CXXC1: variants seen among roughly 807,000 people sequenced by gnomAD.
CXXC1 encodes the protein CXXC-type zinc finger protein 1.
CXXC1 carries 21 observed loss-of-function variants against 83.6 expected under a neutral mutation model. The ratio of observed to expected loss-of-function variants is 0.25; its 90% CI spans 0.18 to 0.36. The LOEUF is 0.36. CXXC1 is among the 10% of genes least tolerant of loss of function. CXXC1 has a pLI of 1.00. For missense variants in CXXC1, 688 were observed against 919.5 expected (o/e 0.75, Z 3.26); for synonymous variants, 371 against 337.5 (o/e 1.10, Z -1.09).
At position 50,282,753 on chromosome 18, in the gene CXXC1, G is replaced by C; in HGVS notation, c.1825-14C>G. 3.1e-6 allele frequency: 5 copies of C among 1,613,572 alleles called. No individual in the cohort carries two copies. The highest frequency in any genetic ancestry group is 4.2e-6 in the Non-Finnish European group (5 of 1,179,794). ...CAGCTTGTACCACTGCCAAGGGAGC[G>C]GCAGGAGTCCTAAGCAGGAACACCT... On this transcript the variant is annotated splice_polypyrimidine_tract_variant and intron_variant, in intron 14 of 14. Coordinates refer to ENST00000285106, the MANE Select transcript of CXXC1 (RefSeq NM_014593.4). This position sits in a 1 kb window ranked among gnomAD's most constrained non-coding sequence, Gnocchi z 5.8.
chr18:50,285,720 T>G lies in CXXC1; in HGVS notation c.639+29A>C. ...ATGGACCCACCAGCTCTCCCACACC[T>G]GACCCTACCCAGCTCTGTCCATGCT... On this transcript the variant is annotated intron_variant, in intron 5 of 14. Coordinates refer to ENST00000285106, the MANE Select transcript of CXXC1 (RefSeq NM_014593.4). This position sits in a 1 kb window ranked among gnomAD's most constrained non-coding sequence, Gnocchi z 4.4. 6.2e-7 allele frequency: 1 copy of G among 1,606,788 alleles called. No individual in the cohort carries two copies. Among genetic ancestry groups the G allele is most frequent in the Non-Finnish European group, 8.5e-7 (1 of 1,179,076 alleles).
chr18:50,287,314 C>A (rs979988955), intron 1 of CXXC1: 3 of 547,074 alleles, frequency 5.5e-6, no homozygotes, highest in Non-Finnish European at 9.9e-6. Flanking sequence ...TGACTCCTTA[C>A]AACCCGCTTA....
rs1392048565 is a variant in CXXC1 at position 50,282,824 on chromosome 18, A to T, written c.1824+30T>A. 2 of 1,612,850 alleles carry T rather than the reference A, an allele frequency of 1.2e-6. No homozygotes were observed. Among genetic ancestry groups the T allele is most frequent in the Non-Finnish European group, 1.7e-6 (2 of 1,179,056 alleles). ...CACGTCCGACATGGAAACCTACCACATGCAGCACCAAAACCGCACAGAAAC... is the reference window on the plus strand; with the variant it reads ...CACGTCCGACATGGAAACCTACCACTTGCAGCACCAAAACCGCACAGAAAC... On this transcript the variant is annotated intron_variant, in intron 14 of 14. Coordinates refer to ENST00000285106, the MANE Select transcript of CXXC1 (RefSeq NM_014593.4). This position sits in a 1 kb window ranked among gnomAD's most constrained non-coding sequence, Gnocchi z 5.8.
Position 50,285,611 on chromosome 18 carries a change from A to G in CXXC1, c.639+138T>C. The G allele has an allele frequency of 8.6e-7, 1 of 1,168,834 alleles. No individual in the cohort carries two copies. Among genetic ancestry groups the G allele is most frequent in the Non-Finnish European group, 1.2e-6 (1 of 822,578 alleles). 72.4% of individuals were successfully genotyped at this position (1,168,834 alleles called of 1,614,324 possible). ...CAGGTCATGCCCCATTCATCTGGACATGACAGGCCCCTTCCCACCTGTCAG... is the reference window on the plus strand; with the variant it reads ...CAGGTCATGCCCCATTCATCTGGACGTGACAGGCCCCTTCCCACCTGTCAG... On this transcript the variant is annotated intron_variant, in intron 5 of 14. Coordinates refer to ENST00000285106, the MANE Select transcript of CXXC1 (RefSeq NM_014593.4). The surrounding 1 kb of genome is among the most constrained non-coding windows in gnomAD (Gnocchi z 4.4).
chr18:50,285,413 GCCCTAC>G lies in CXXC1; in HGVS notation c.640-68_640-63del. 6.5e-7 allele frequency: 1 copy of G among 1,533,472 alleles called. No individual in the cohort carries two copies. Among genetic ancestry groups the G allele is most frequent in the Non-Finnish European group, 8.8e-7 (1 of 1,141,378 alleles). The allele number at this position is 1,533,472 out of a possible 1,614,324, so 95.0% of individuals were successfully genotyped here. Reference sequence around the variant, plus strand: ...GTGGATGGAGGGCGGCCTTGCCCTAGCCCTACCCACCTGGCCTGGCCTTACCTCCCC... The same window carrying G: ...GTGGATGGAGGGCGGCCTTGCCCTAGCCACCTGGCCTGGCCTTACCTCCCC... On this transcript the variant is annotated intron_variant, in intron 5 of 14. Coordinates refer to ENST00000285106, the MANE Select transcript of CXXC1 (RefSeq NM_014593.4). This position sits in a 1 kb window ranked among gnomAD's most constrained non-coding sequence, Gnocchi z 4.4.
intron 9 of CXXC1, 133 bp downstream of exon 9, chr18:50,284,245 G>A: frequency 1.4e-6 from 2 of 1,449,906 alleles, no homozygotes; most frequent in Non-Finnish European, 9.4e-7. Context: ...TGGGTGGGTA[G>A]GTGGATGGGT....
In CXXC1 at chr18:50,283,278, G is replaced by A; in HGVS notation, c.1658C>T (p.Ser553Leu). 2.5e-6 allele frequency: 4 copies of A among 1,614,018 alleles called. No homozygotes were observed. The highest frequency in any genetic ancestry group is 3.4e-6 in the Non-Finnish European group (4 of 1,179,942). ...GGAAAACCTTACTTTGGGGTCCCGT[G>A]AGTGCTCGGGGCACAGCACCTGGAG... Reference protein sequence around the residue: ...KRLQVLCPEHSRDPKVPADEV... With the variant: ...KRLQVLCPEHLRDPKVPADEV... Residue 553 changes from serine (S) to leucine (L), a missense_variant, in exon 13 of 15, where the codon TCA becomes TTA. By Grantham distance (145) the Ser-to-Leu change is moderately radical. Around this residue, in one of 9 missense-constraint regions of CXXC1, gnomAD observed 114 missense variants for 173.3 expected, o/e 0.66. Transcript: ENST00000285106.
At chr18:50,284,293 G>A in intron 9 of CXXC1, 85 bp downstream of exon 9, 1 of 1,519,006 alleles carries the variant, frequency 6.6e-7, no homozygotes, top group South Asian at 1.3e-5. Context: ...GTGGATAGCT[G>A]ATTGACTGGT....
At position 50,282,408 on chromosome 18, in the gene CXXC1, C is replaced by G; in HGVS notation, c.*185G>C. The G allele has an allele frequency of 1.4e-6, 1 of 733,984 alleles. No homozygotes were observed. Among genetic ancestry groups the G allele is most frequent in the Non-Finnish European group, 2.3e-6 (1 of 438,798 alleles). 45.5% of individuals were successfully genotyped at this position (733,984 alleles called of 1,614,324 possible). A position where few individuals can be genotyped will look rare whatever the true frequency, so the allele number is the denominator to read the frequency against. Reference sequence around the variant, plus strand: ...AGAGGAGGCAAGGATGAGTGGACTCCGCAGCCCCACCAGGCACTGAACATG... The same window carrying G: ...AGAGGAGGCAAGGATGAGTGGACTCGGCAGCCCCACCAGGCACTGAACATG... On this transcript the variant is annotated 3_prime_UTR_variant, in exon 15 of 15. Coordinates refer to ENST00000285106, the MANE Select transcript of CXXC1 (RefSeq NM_014593.4). This position sits in a 1 kb window ranked among gnomAD's most constrained non-coding sequence, Gnocchi z 5.8.
In CXXC1 at chr18:50,285,482, C is replaced by T. The variant is rs2040699069; in HGVS notation, c.640-131G>A. On this transcript the variant is annotated intron_variant, in intron 5 of 14. Coordinates refer to ENST00000285106, the MANE Select transcript of CXXC1 (RefSeq NM_014593.4). The surrounding 1 kb of genome is among the most constrained non-coding windows in gnomAD (Gnocchi z 4.4). ...CCGCTACCCCTCATTGCCAGGAATGCTCAGCCCTGCCTGATCTGTACCAAC... is the reference window on the plus strand; with the variant it reads ...CCGCTACCCCTCATTGCCAGGAATGTTCAGCCCTGCCTGATCTGTACCAAC... 1.7e-6 allele frequency: 2 copies of T among 1,187,432 alleles called. No homozygotes were observed. The highest frequency in any genetic ancestry group is 1.5e-5 in the African/African-American group (1 of 64,670). The allele number at this position is 1,187,432 out of a possible 1,614,324, so 73.6% of individuals were successfully genotyped here.
Position 50,283,786 on chromosome 18 carries a change from G to A in CXXC1, c.1443C>T (p.Asp481=), listed in dbSNP as rs748997011. ...ESNEGDSDDT[D]LQIFCVSCGH... ...CACAGGAAACACAGAAGATCTGCAGGTCTGTGTCATCACTGTCACCCTCGT... is the reference window on the plus strand; with the variant it reads ...CACAGGAAACACAGAAGATCTGCAGATCTGTGTCATCACTGTCACCCTCGT... Residue 481 remains aspartate (D), a synonymous_variant, in exon 11 of 15, where the codon GAC becomes GAT. Transcript: ENST00000285106. 11 of 1,614,206 alleles carry A rather than the reference G, an allele frequency of 6.8e-6. No individual in the cohort carries two copies. The East Asian group carries it at 2.5e-4, about 36-fold the overall frequency.
intron 8 of CXXC1, 37 bp from the exon 9 acceptor site, chr18:50,284,599 AAGTC>A: frequency 6.3e-7 from 1 of 1,583,016 alleles, no homozygotes; most frequent in Non-Finnish European, 8.6e-7. Flanking sequence ...GGTGGAGTCA[AAGTC>A]AGCCCCAGAC....
chr18:50,284,588 G>C, intron 8 of CXXC1, 26 bp from the exon 9 acceptor site: 1 of 1,582,994 alleles, frequency 6.3e-7, no homozygotes, highest in Non-Finnish European at 8.6e-7. Flanking sequence ...AGTCAGGTCA[G>C]GGTGGAGTCA....
At position 50,285,392 on chromosome 18, in the gene CXXC1, A is replaced by G; in HGVS notation, c.640-41T>C. ...GAAGGCCCAGGTCAGCCCCAGGTGG[A>G]TGGAGGGCGGCCTTGCCCTAGCCCT... On this transcript the variant is annotated intron_variant, in intron 5 of 14. Coordinates refer to ENST00000285106, the MANE Select transcript of CXXC1 (RefSeq NM_014593.4). The surrounding 1 kb of genome is among the most constrained non-coding windows in gnomAD (Gnocchi z 4.4). The G allele has an allele frequency of 6.4e-7, 1 of 1,559,368 alleles. No homozygotes were observed. The highest frequency in any genetic ancestry group is 8.7e-7 in the Non-Finnish European group (1 of 1,152,556).
At chr18:50,283,156 G>A in intron 13 of CXXC1, 109 bp downstream of exon 13, 3 of 1,280,012 alleles carry the variant, frequency 2.3e-6, no homozygotes. Context: ...CAGCAGGGAA[G>A]CTGAGAGGAA....
intron 13 of CXXC1, 93 bp downstream of exon 13, chr18:50,283,172 G>T: frequency 7.5e-7 from 1 of 1,330,964 alleles, no homozygotes; most frequent in Admixed American, 1.7e-5. Flanking sequence ...AGGAAAAAGT[G>T]AAGGAAAAGT....
intron 13 of CXXC1, 126 bp from the exon 14 acceptor site, chr18:50,283,132 A>G: frequency 7.7e-7 from 1 of 1,293,382 alleles, no homozygotes; most frequent in African/African-American, 1.5e-5. Context: ...GAAAAGGAGG[A>G]ATGGAGGGTG....
chr18:50,283,007 C>T lies in CXXC1; in HGVS notation c.1672-1G>A. On this transcript the variant is annotated splice_acceptor_variant, in intron 13 of 14. Transcript: ENST00000285106. LOFTEE classifies it high-confidence loss of function. Reference sequence around the variant, plus strand: ...ACCCGCATACCTCGTCAGCTGGCACCTGCAAGGAGGCCAGGTTGGGGGGAT... The same window carrying T: ...ACCCGCATACCTCGTCAGCTGGCACTTGCAAGGAGGCCAGGTTGGGGGGAT... 1 of 1,613,898 alleles carries T rather than the reference C, an allele frequency of 6.2e-7. No individual in the cohort carries two copies. Among genetic ancestry groups the T allele is most frequent in the Non-Finnish European group, 8.5e-7 (1 of 1,180,022 alleles).
rs1269256185 is a variant in CXXC1 at position 50,283,009 on chromosome 18, G to T, written c.1672-3C>A. On this transcript the variant is annotated splice_polypyrimidine_tract_variant and splice_region_variant and intron_variant, in intron 13 of 14. Coordinates refer to ENST00000285106, the MANE Select transcript of CXXC1 (RefSeq NM_014593.4). ...CCGCATACCTCGTCAGCTGGCACCT[G>T]CAAGGAGGCCAGGTTGGGGGGATGA... 1 of 1,613,806 alleles carries T rather than the reference G, an allele frequency of 6.2e-7. No individual in the cohort carries two copies. Among genetic ancestry groups the T allele is most frequent in the Non-Finnish European group, 8.5e-7 (1 of 1,179,998 alleles).
Sources: allele counts gnomAD v4.1 joint callset, GRCh38; gene constraint gnomAD v4.1.1; regional missense constraint gnomAD v4.1.1; non-coding constraint Gnocchi (gnomAD v3.1); transcripts MANE v1.5; gene names NCBI Gene and HGNC (gene_info 2026-07-23, HGNC 2026-07-21).